Variants in CYB5R3 observed in about 807,000 individuals in gnomAD.
The protein encoded by CYB5R3 is NADH-cytochrome b5 reductase 3.
Under a neutral mutation model 36.5 loss-of-function variants are expected in CYB5R3, and 28 were observed. The observed-to-expected ratio is 0.77, with a 90% CI of 0.57 to 1.05. The LOEUF (loss-of-function observed/expected upper bound fraction) is 1.05, where lower values mean the gene tolerates loss of function less well. Ranked by LOEUF, CYB5R3 falls within the 50% of genes least tolerant of loss-of-function variation. CYB5R3 has a pLI of 0.00. For missense variants in CYB5R3, 474 were observed against 408.9 expected (o/e 1.16, Z -1.37); for synonymous variants, 181 against 159.8 (o/e 1.13, Z -1.00).
At position 42,640,153 on chromosome 22, in the gene CYB5R3, G is replaced by C. The variant is rs768349855; in HGVS notation, c.22-3307C>G. 2.5e-6 allele frequency: 4 copies of C among 1,613,328 alleles called. No individual in the cohort carries two copies. In the South Asian group the frequency reaches 4.4e-5, roughly 18 times the overall value. On this transcript the variant is annotated intron_variant, in intron 1 of 8. Coordinates refer to ENST00000352397, the MANE Select transcript of CYB5R3 (RefSeq NM_000398.7). ...AGCTCTAGGGATCTCAGCAGGGGTG[G>C]GAGGAACCAGCTCAACCGTGGTGTA... is the stretch of plus-strand genomic sequence containing the variant.
intron 1 of CYB5R3, among the ~76,000 whole-genome samples, chr22:42,641,658 G>A (rs1369272537): frequency 6.6e-6 from 1 of 152,162 alleles, no homozygotes; most frequent in Non-Finnish European, 1.5e-5. Flanking sequence ...GTTAATTTTT[G>A]TATCATTAGT....
chr22:42,636,709 A>G lies in CYB5R3; in HGVS notation c.153+6T>C, dbSNP rs376362518. 100 of 1,610,594 alleles carry G rather than the reference A, an allele frequency of 6.2e-5. No individual in the cohort carries two copies. Among genetic ancestry groups the G allele is most frequent in the Non-Finnish European group, 8.1e-5 (96 of 1,179,656 alleles). On this transcript the variant is annotated splice_donor_region_variant and intron_variant, in intron 2 of 8. Coordinates refer to ENST00000352397, the MANE Select transcript of CYB5R3 (RefSeq NM_000398.7). The stretch of plus-strand genomic sequence containing the variant: ...TGACGAGGCAGCGGCGGCGGCCGGC[A>G]CTCACCTCCCGGTCGATGAGCCGCA...
At position 42,618,464 on chromosome 22, in the gene CYB5R3, G is replaced by A. The variant is rs913710080; in HGVS notation, c.*1309C>T. On this transcript the variant is annotated 3_prime_UTR_variant, in exon 9 of 9. Coordinates refer to ENST00000352397, the MANE Select transcript of CYB5R3 (RefSeq NM_000398.7). ...AGGCAGGAGAATGGCGTGAACCCGG[G>A]AGGCGGAGCTTGCAGTGAGCCGAGA... is the stretch of plus-strand genomic sequence containing the variant. 1 of 148,252 alleles carries A rather than the reference G, an allele frequency of 6.7e-6. No individual in the cohort carries two copies. Among genetic ancestry groups the A allele is most frequent in the Non-Finnish European group, 1.5e-5 (1 of 67,158 alleles). The allele number at this position is 148,252 out of a possible 1,614,324, so 9.2% of individuals were successfully genotyped here.
At chr22:42,623,965 T>A in intron 7 of CYB5R3, 77 bp from the exon 8 acceptor site, 1 of 1,307,510 alleles carries the variant, frequency 7.6e-7, no homozygotes, top group Non-Finnish European at 1.1e-6. Flanking sequence ...GAGACGCGCC[T>A]CGTCATCGCG....
At chr22:42,645,255 C>T (rs1175834735) in intron 1 of CYB5R3, among the ~76,000 whole-genome samples, 1 of 152,176 alleles carries the variant, frequency 6.6e-6, no homozygotes, top group Non-Finnish European at 1.5e-5. Flanking sequence ...ACACTCCACA[C>T]AGAAAGCACT....
chr22:42,625,552 T>A (rs1928222595), intron 7 of CYB5R3, among the ~76,000 whole-genome samples: 1 of 152,080 alleles, frequency 6.6e-6, no homozygotes, highest in African/African-American at 2.4e-5. Flanking sequence ...TGAGCTAAAG[T>A]GTGTCTCATG....
rs756325638 is a variant in CYB5R3, at chr22:42,631,342, C to T, written c.226+36G>A. The T allele has an allele frequency of 9.1e-6, 14 of 1,533,178 alleles. No individual in the cohort carries two copies. The East Asian group carries it at 2.0e-4, about 21-fold the overall frequency. 95.0% of individuals were successfully genotyped at this position (1,533,178 alleles called of 1,614,324 possible). A position where few individuals can be genotyped will look rare whatever the true frequency, so the allele number is the denominator to read the frequency against. On this transcript the variant is annotated intron_variant, in intron 3 of 8. Transcript: ENST00000352397. ...CTGATCTAGTGCCCCAGCAGCCTGC[C>T]GGGCTCCGAATGGGCCCAGCAGGGG...
chr22:42,637,293 C>G (rs1326311945), intron 1 of CYB5R3, among the ~76,000 whole-genome samples: 2 of 152,208 alleles, frequency 1.3e-5, no homozygotes, highest in Non-Finnish European at 2.9e-5. Flanking sequence ...TTTAGACAAA[C>G]AGACAAATAA....
rs752979917 is a variant in CYB5R3, at chr22:42,627,650, T to C, written c.502A>G (p.Ile168Val). The change falls in exon 6 of 9, where the codon ATC (isoleucine) becomes GTC (valine). Residue 168 changes from isoleucine (I) to valine (V), a missense_variant. Transcript: ENST00000352397. ...CCCACAGACTTCACTGTCCTGATGATAGGGTTGGACTTTTTGTCAGGTCGG... is the reference window on the plus strand; with the variant it reads ...CCCACAGACTTCACTGTCCTGATGACAGGGTTGGACTTTTTGTCAGGTCGG... The part of the protein sequence containing the change: ...AIRPDKKSNP[I>V]IRTVKSVGMI... 5.6e-6 allele frequency: 9 copies of C among 1,613,942 alleles called. No individual in the cohort carries two copies. The African/African-American group carries it at 6.7e-5, about 12-fold the overall frequency.
chr22:42,618,012 ACACC>A lies in CYB5R3; in HGVS notation c.*1757_*1760del, dbSNP rs1927716829. On this transcript the variant is annotated 3_prime_UTR_variant, in exon 9 of 9. Transcript: ENST00000352397. ...GCTGCCCCGTTTTAAGAACAGCCCCACACCCACCTTGCCTCATCACCTCTGTAAT... is the reference window on the plus strand; with the variant it reads ...GCTGCCCCGTTTTAAGAACAGCCCCACACCTTGCCTCATCACCTCTGTAAT... 1 of 152,100 alleles carries A rather than the reference ACACC, an allele frequency of 6.6e-6. No individual in the cohort carries two copies. The highest frequency in any genetic ancestry group is 1.5e-5 in the Non-Finnish European group (1 of 68,126). The allele number at this position is 152,100 out of a possible 1,614,324, so 9.4% of individuals were successfully genotyped here.
intron 1 of CYB5R3, among the ~76,000 whole-genome samples, chr22:42,643,434 C>A: frequency 6.7e-6 from 1 of 150,286 alleles, no homozygotes. Flanking sequence ...CACACCAGGC[C>A]TGGCCCCCGC....
rs771386580 is a variant in CYB5R3 at position 42,630,909 on chromosome 22, G to C, written c.306C>G (p.Asp102Glu). 1 of 1,613,922 alleles carries C rather than the reference G, an allele frequency of 6.2e-7. No individual in the cohort carries two copies. Among genetic ancestry groups the C allele is most frequent in the South Asian group, 1.1e-5 (1 of 90,972 alleles). ...RPYTPISSDD[D>E]KGFVDLVIKV... ...TGATGACCAGGTCCACGAAGCCCTT[G>C]TCATCATCGCTGGAGATGGGTGTAT... Residue 102 changes from aspartate to glutamate, a missense_variant, in exon 4 of 9, where the codon GAC (aspartate) becomes GAG (glutamate). Physicochemically the swap from Asp to Glu is conservative, Grantham distance 45 (BLOSUM62 2). Transcript: ENST00000352397.
intron 1 of CYB5R3, among the ~76,000 whole-genome samples, chr22:42,643,828 C>T (rs968971910): frequency 7.9e-5 from 12 of 152,136 alleles, no homozygotes; most frequent in African/African-American, 2.7e-4. Flanking sequence ...TTCACTTCCC[C>T]GGGCCCTACC....
chr22:42,621,172 G>T (rs1016555591), intron 8 of CYB5R3, among the ~76,000 whole-genome samples: 1 of 144,594 alleles, frequency 6.9e-6, no homozygotes, highest in Non-Finnish European at 1.5e-5. Context: ...ATTTCACAGC[G>T]ATTTCTTTTT....
At chr22:42,649,258 C>G in intron 1 of CYB5R3, 37 bp downstream of exon 1, 2 of 911,112 alleles carry the variant, frequency 2.2e-6, no homozygotes, top group Non-Finnish European at 2.7e-6. Flanking sequence ...CAGTCCCTCG[C>G]GACGCCCCGC....
chr22:42,630,782 G>A (rs1162555191), intron 4 of CYB5R3, 100 bp downstream of exon 4: 48 of 1,029,478 alleles, frequency 4.7e-5, no homozygotes, highest in Non-Finnish European at 7.0e-5. Flanking sequence ...GGGCTGCACA[G>A]GGCAGGAGCG....
At chr22:42,645,171 C>G (rs537983506) in intron 1 of CYB5R3, among the ~76,000 whole-genome samples, 1 of 152,302 alleles carries the variant, frequency 6.6e-6, no homozygotes, top group South Asian at 2.1e-4. Context: ...AGGCTGCCGG[C>G]TCCCCACAAG....
intron 1 of CYB5R3, chr22:42,644,561 G>A (rs754407196): frequency 2.5e-4 from 382 of 1,525,166 alleles, no homozygotes; most frequent in Non-Finnish European, 3.1e-4. Context: ...CCCTTCCCTA[G>A]CTAACCAGGC....
In CYB5R3 at chr22:42,628,291, AC is replaced by A. The variant is rs780953985; in HGVS notation, c.334-11del. On this transcript the variant is annotated splice_polypyrimidine_tract_variant and intron_variant, in intron 4 of 8. Transcript: ENST00000352397. ...TGTCCTTGAAGTAAACCTGCAAGAC[AC>A]CCCCGCAGCCCTCAGTCCCCAGCTC... The A allele has an allele frequency of 2.5e-6, 4 of 1,612,948 alleles. No individual in the cohort carries two copies. The highest frequency in any genetic ancestry group is 2.7e-5 in the African/African-American group (2 of 74,904).
Sources: allele counts gnomAD v4.1 joint callset (sites outside exome capture counted in the v4.1 genomes callset), GRCh38; gene constraint gnomAD v4.1.1; transcripts MANE v1.5; gene names NCBI Gene and HGNC (gene_info 2026-07-23, HGNC 2026-07-21).